Variants in LTN1 observed in about 807,000 individuals in gnomAD.
LTN1 encodes the protein E3 ubiquitin-protein ligase listerin.
LTN1 carries 88 observed loss-of-function variants against 201.2 expected under a neutral mutation model. That is an observed-to-expected ratio of 0.44 (90% CI 0.37 to 0.52). The LOEUF (loss-of-function observed/expected upper bound fraction) is 0.52, where lower values mean the gene tolerates loss of function less well. LTN1 is among the 20% of genes least tolerant of loss of function. The pLI is 0.00. For missense variants in LTN1, 1,752 were observed against 2,038.7 expected, an observed-to-expected ratio of 0.86 and a Z score of 2.71; for synonymous variants, 645 against 713.5, an observed-to-expected ratio of 0.90 and a Z score of 1.53.
Position 28,944,590 on chromosome 21 carries a change from T to C in LTN1, c.3775A>G (p.Ser1259Gly). The change falls in exon 22 of 30, where the codon AGT (serine) becomes GGT (glycine). Residue 1259 changes from serine to glycine, a missense_variant. Physicochemically the swap from Ser to Gly is moderately conservative, Grantham distance 56. This residue lies in a region of LTN1 where 1,211 missense variants were observed against 1,312.8 expected (regional missense o/e 0.92). Coordinates refer to ENST00000361371, the MANE Select transcript of LTN1 (RefSeq NM_015565.3). ...ATAGAATACAATGCCTGATTCTCAC[T>C]TGTTGTCTGAAAAAACAATAAAAAT... ...CSMLAWLETTSENQALYSIPL... is the reference protein window; with the variant it reads ...CSMLAWLETTGENQALYSIPL... The C allele has an allele frequency of 6.2e-7, 1 of 1,611,412 alleles. No homozygotes were observed. The highest frequency in any genetic ancestry group is 8.5e-7 in the Non-Finnish European group (1 of 1,178,242).
Position 28,966,371 on chromosome 21 carries a change from T to C in LTN1, c.2120A>G (p.Lys707Arg), listed in dbSNP as rs1202803503. Reference protein sequence around the residue: ...ERKKVLDDLTKVDLKWNSLLK... With the variant: ...ERKKVLDDLTRVDLKWNSLLK... ...TGAAAAGATATACAACAGGAATACC[T>C]TGGTTAGATCATCCAAGACTTTTTT... The change falls in exon 10 of 30, where the codon AAG (lysine) becomes AGG (arginine). Residue 707 changes from lysine to arginine, a missense_variant and splice_region_variant. By Grantham distance (26) the Lys-to-Arg change is conservative. Transcript: ENST00000361371. The C allele has an allele frequency of 1.2e-6, 2 of 1,600,590 alleles. No individual in the cohort carries two copies. The highest frequency in any genetic ancestry group is 1.4e-5 in the African/African-American group (1 of 74,028).
chr21:28,932,111 C>G (rs2084215489), intron 28 of LTN1, among the ~76,000 whole-genome samples: 1 of 152,172 alleles, frequency 6.6e-6, no homozygotes, highest in Non-Finnish European at 1.5e-5. Context: ...GGTCCTGGGA[C>G]TTCTCTAACC....
At chr21:28,937,052 C>T (rs1462094287) in intron 25 of LTN1, among the ~76,000 whole-genome samples, 1 of 152,218 alleles carries the variant, frequency 6.6e-6, no homozygotes, top group African/African-American at 2.4e-5. Context: ...GTATCAAAAA[C>T]TCCGACATCC....
At chr21:28,966,220 A>C in intron 10 of LTN1, 150 bp downstream of exon 10, 1 of 663,362 alleles carries the variant, frequency 1.5e-6, no homozygotes, top group Admixed American at 3.1e-5. Context: ...TCTACCCAGC[A>C]GCCCTAGATA....
intron 27 of LTN1, 105 bp from the exon 28 acceptor site, chr21:28,932,769 G>A (rs994423200): frequency 5.7e-6 from 4 of 696,694 alleles, no homozygotes; most frequent in Admixed American, 2.7e-5. Flanking sequence ...TTCAAGGACA[G>A]TGCAGGTAAA....
rs1470816265 is a variant in LTN1 at position 28,992,855 on chromosome 21, C to A, written c.-50G>T. ...AGCACTCAGACCCCGGTTGACACGTCCGGGACACAACTTCCGGCTTCTGGC... is the reference window on the plus strand; with the variant it reads ...AGCACTCAGACCCCGGTTGACACGTACGGGACACAACTTCCGGCTTCTGGC... On this transcript the variant is annotated 5_prime_UTR_variant, in exon 1 of 30. Coordinates refer to ENST00000361371, the MANE Select transcript of LTN1 (RefSeq NM_015565.3). 2 of 1,613,886 alleles carry A rather than the reference C, an allele frequency of 1.2e-6. No individual in the cohort carries two copies. The highest frequency in any genetic ancestry group is 1.7e-6 in the Non-Finnish European group (2 of 1,179,974).
rs2084698131 is a variant in LTN1, at chr21:28,986,293, A to C, written c.247-56T>G. 1.2e-5 allele frequency: 12 copies of C among 1,026,518 alleles called. No individual in the cohort carries two copies. Among genetic ancestry groups the C allele is most frequent in the Non-Finnish European group, 1.7e-5 (11 of 662,980 alleles). The allele number at this position is 1,026,518 out of a possible 1,614,324, so 63.6% of individuals were successfully genotyped here. On this transcript the variant is annotated intron_variant, in intron 2 of 29. Transcript: ENST00000361371. This position sits in a 1 kb window ranked among gnomAD's most constrained non-coding sequence, Gnocchi z 4.1. Reference sequence around the variant, plus strand: ...TAACAACCATAATAACTGGCTATAGATTATTCTGTTCTGGAAGCTTTGTCT... The same window carrying C: ...TAACAACCATAATAACTGGCTATAGCTTATTCTGTTCTGGAAGCTTTGTCT...
chr21:28,971,808 T>C (rs1273369528), intron 6 of LTN1, among the ~76,000 whole-genome samples: 1 of 152,144 alleles, frequency 6.6e-6, no homozygotes, highest in Non-Finnish European at 1.5e-5. Flanking sequence ...AATCTTAGAA[T>C]GATCAGTCAC....
chr21:28,954,200 G>A (rs755764898), intron 16 of LTN1, among the ~76,000 whole-genome samples: 3 of 152,182 alleles, frequency 2.0e-5, no homozygotes, highest in African/African-American at 4.8e-5. Context: ...GATTCACCCT[G>A]TGAGCAATGT....
intron 6 of LTN1, among the ~76,000 whole-genome samples, chr21:28,976,747 C>T (rs8134627): frequency 0.63 from 95,088 of 151,970 alleles, 30,982 homozygotes; most frequent in African/African-American, 0.81. Context: ...AGAAATTCAA[C>T]AAATGTACTG....
chr21:28,941,690 C>T (rs1013793552), intron 24 of LTN1, among the ~76,000 whole-genome samples: 3 of 152,050 alleles, frequency 2.0e-5, no homozygotes, highest in African/African-American at 4.8e-5. Flanking sequence ...ATGATGAGTC[C>T]AACGTCTTTC....
chr21:28,933,711 T>C (rs2084230923), intron 27 of LTN1, among the ~76,000 whole-genome samples: 1 of 151,252 alleles, frequency 6.6e-6, no homozygotes, highest in Non-Finnish European at 1.5e-5. Context: ...AGTTTCACTC[T>C]TGTTGCCCAG....
chr21:28,945,031 G>A (rs928176986), intron 21 of LTN1, among the ~76,000 whole-genome samples: 1 of 152,066 alleles, frequency 6.6e-6, no homozygotes, highest in African/African-American at 2.4e-5. Flanking sequence ...AGACCAGCCT[G>A]GCCAAAATGG....
chr21:28,946,273 G>A lies in LTN1; in HGVS notation c.3502C>T (p.Leu1168Phe). Reference protein sequence around the residue: ...LCSTNGGFGHLAIFNSCLQTK... With the variant: ...LCSTNGGFGHFAIFNSCLQTK... Reference sequence around the variant, plus strand: ...TGCAGACAAGAATTGAAAATGGCAAGATGTCCAAAACCTCCTAAAGTAAAA... The same window carrying A: ...TGCAGACAAGAATTGAAAATGGCAAAATGTCCAAAACCTCCTAAAGTAAAA... The change falls in exon 20 of 30, where the codon CTT becomes TTT. Residue 1168 changes from leucine to phenylalanine, a missense_variant. Leu to Phe is a conservative substitution (Grantham distance 22). This residue lies in a region of LTN1 where 1,211 missense variants were observed against 1,312.8 expected (regional missense o/e 0.92). Transcript: ENST00000361371. The A allele has an allele frequency of 6.4e-7, 1 of 1,574,462 alleles. No homozygotes were observed. The highest frequency in any genetic ancestry group is 8.6e-7 in the Non-Finnish European group (1 of 1,166,170).
chr21:28,960,231 G>C (rs183449775), intron 12 of LTN1, among the ~76,000 whole-genome samples: 9 of 152,050 alleles, frequency 5.9e-5, no homozygotes, highest in African/African-American at 2.2e-4. Context: ...GCCAGGCATG[G>C]TGGCATGCAC....
In LTN1 at chr21:28,986,489, T is replaced by C; in HGVS notation, c.246+242A>G. 1 of 663,668 alleles carries C rather than the reference T, an allele frequency of 1.5e-6. No homozygotes were observed. Among genetic ancestry groups the C allele is most frequent in the East Asian group, 2.8e-5 (1 of 35,960 alleles). 41.1% of individuals were successfully genotyped at this position (663,668 alleles called of 1,614,324 possible). On this transcript the variant is annotated intron_variant, in intron 2 of 29. Transcript: ENST00000361371. The surrounding 1 kb of genome is among the most constrained non-coding windows in gnomAD (Gnocchi z 4.1). The stretch of plus-strand genomic sequence containing the variant: ...GTTACAAGGTCAAAGTTACATTCCC[T>C]AATGGGAAAAACTATACAGCCAAAA...
rs1386077804 is a variant in LTN1 at position 28,969,519 on chromosome 21, T to C, written c.1258A>G (p.Met420Val). The stretch of plus-strand genomic sequence containing the variant: ...TCTTCCTCACCTAAGTTTTGCTGCA[T>C]TATAAAACGTAAGCATTCAAAAAAA... ...SAFFECLRFI[M>V]QQNLGEEEIE... The change falls in exon 9 of 30, where the codon ATG becomes GTG. Residue 420 changes from methionine (M) to valine (V), a missense_variant. Transcript: ENST00000361371. 1 of 1,612,930 alleles carries C rather than the reference T, an allele frequency of 6.2e-7. No homozygotes were observed. Among genetic ancestry groups the C allele is most frequent in the South Asian group, 1.1e-5 (1 of 90,952 alleles).
Position 28,969,610 on chromosome 21 carries a change from TA to T in LTN1, c.1176-10del. On this transcript the variant is annotated splice_polypyrimidine_tract_variant and intron_variant, in intron 8 of 29. Transcript: ENST00000361371. ...TTCTCTCTGTTGACAGCCTAAGAAA[TA>T]ATTAATAACTGGATTACTCTTTCAT... 1 of 1,574,646 alleles carries T rather than the reference TA, an allele frequency of 6.4e-7. No individual in the cohort carries two copies. Among genetic ancestry groups the T allele is most frequent in the Non-Finnish European group, 8.6e-7 (1 of 1,164,812 alleles).
rs1455829539 is a variant in LTN1, at chr21:28,958,433, A to G, written c.2700T>C (p.Ala900=). 1.1e-5 allele frequency: 18 copies of G among 1,611,082 alleles called. No homozygotes were observed. Among genetic ancestry groups the G allele is most frequent in the Non-Finnish European group, 1.4e-5 (16 of 1,179,086 alleles). ...YKESTFLHLS[A]LWLKNQVQAS... is the part of the protein sequence containing the mutation. ...CCTGAACTTGGTTCTTCAGCCACAG[A>G]GCAGACAAATGTAGGAAGGTACTCT... The change falls in exon 14 of 30, where the codon GCT becomes GCC. Residue 900 remains alanine, a synonymous_variant. Transcript: ENST00000361371.
Sources: gnomAD v4.1 joint callset for allele counts (sites outside exome capture counted in the v4.1 genomes callset) on GRCh38, gnomAD v4.1.1 for gene constraint, gnomAD v4.1.1 regional missense constraint, Gnocchi (gnomAD v3.1) non-coding constraint, MANE v1.5 for transcripts, NCBI Gene and HGNC (gene_info 2026-07-23, HGNC 2026-07-21) for gene names.